EIF5: variants seen among roughly 807,000 people sequenced by gnomAD.
EIF5 encodes the protein eukaryotic translation initiation factor 5.
Under a neutral mutation model 48.3 loss-of-function variants are expected in EIF5, and 10 were observed. The observed-to-expected ratio is 0.21, with a 90% CI of 0.13 to 0.35. The LOEUF is 0.35. EIF5 is among the 10% of genes least tolerant of loss of function. The pLI is 1.00. For synonymous variants in EIF5, 237 were observed against 173.1 expected, an observed-to-expected ratio of 1.37 and a Z score of -2.90; for missense variants, 397 against 533.2, an observed-to-expected ratio of 0.74 and a Z score of 2.51.
Position 103,335,622 on chromosome 14 carries a change from TTTTTGTGTGTTC to T in EIF5, c.-208-27_-208-16del. On this transcript the variant is annotated intron_variant, in intron 2 of 11. Coordinates refer to ENST00000216554, the MANE Select transcript of EIF5 (RefSeq NM_001969.5). ...AGCGATGATGTTAAACCTGGGGGGA[TTTTTGTGTGTTC>T]TTTCCCTTTTTCTTTCAGAGCTGTT... is the stretch of plus-strand genomic sequence containing the variant. 1.8e-6 allele frequency: 1 copy of T among 551,760 alleles called. No individual in the cohort carries two copies. Among genetic ancestry groups the T allele is most frequent in the Middle Eastern group, 4.7e-4 (1 of 2,108 alleles). 34.2% of individuals were successfully genotyped at this position (551,760 alleles called of 1,614,324 possible). A position where few individuals can be genotyped will look rare whatever the true frequency, so the allele number is the denominator to read the frequency against.
Position 103,341,007 on chromosome 14 carries a change from A to G in EIF5, c.1251A>G (p.Val417=), listed in dbSNP as rs1288134715. Residue 417 remains valine, a synonymous_variant, in exon 12 of 12, where the codon GTA becomes GTG. Transcript: ENST00000216554. ...KAASVPKVET[V]KSDNKDDDID... ...CCAGTGTACCGAAAGTTGAGACTGT[A>G]AAGTCAGACAACAAGGATGACGACA... 2.5e-6 allele frequency: 4 copies of G among 1,614,070 alleles called. No homozygotes were observed. In the South Asian group the frequency reaches 4.4e-5, roughly 18 times the overall value.
At chr14:103,338,642 A>G in intron 7 of EIF5, 93 bp from the exon 8 acceptor site, 3 of 1,543,472 alleles carry the variant, frequency 1.9e-6, no homozygotes, top group Non-Finnish European at 2.6e-6. Flanking sequence ...TTTTGGATGG[A>G]GATGGACTTG....
intron 9 of EIF5, 148 bp downstream of exon 9, chr14:103,339,481 A>G: frequency 7.2e-7 from 1 of 1,396,480 alleles, no homozygotes; most frequent in East Asian, 2.3e-5. Flanking sequence ...AAAGTGCCAT[A>G]CCTAGGCCCT....
rs539980408 is a variant in EIF5, at chr14:103,339,027, T to C, written c.744+134T>C. On this transcript the variant is annotated intron_variant, in intron 8 of 11. Transcript: ENST00000216554. ...TTAGAACTCTTGTTCATTTAAATAT[T>C]TTTTGCGCGTGATTCCAGGCACTAT... 4.2e-5 allele frequency: 62 copies of C among 1,475,862 alleles called. No individual in the cohort carries two copies. In the African/African-American group the frequency reaches 5.1e-4, roughly 12 times the overall value. 91.4% of individuals were successfully genotyped at this position (1,475,862 alleles called of 1,614,324 possible). A position where few individuals can be genotyped will look rare whatever the true frequency, so the allele number is the denominator to read the frequency against.
At chr14:103,337,580 C>CA in intron 6 of EIF5, 1 of 314,322 alleles carries the variant, frequency 3.2e-6, no homozygotes, top group South Asian at 3.0e-5. Context: ...CCAGCTTGGG[C>CA]AACAGCGACT....
chr14:103,335,995 G>A, intron 3 of EIF5, 41 bp from the exon 4 acceptor site: 1 of 1,613,754 alleles, frequency 6.2e-7, no homozygotes, highest in Non-Finnish European at 8.5e-7. Flanking sequence ...GTTTGCATTT[G>A]TCAGGGGAAA....
chr14:103,336,282 C>CGCATTTAAAGAGTGGATG, intron 4 of EIF5, 165 bp downstream of exon 4: 1 of 762,176 alleles, frequency 1.3e-6, no homozygotes, highest in Non-Finnish European at 2.1e-6. Context: ...ACCAGGGGAA[C>CGCATTTAAAGAGTGGATG]GCATTTAAAG....
chr14:103,344,172 T>C lies in EIF5; in HGVS notation c.*3120T>C, dbSNP rs1391655281. ...AGCAAATGACTTGCAGGTAGTCTCA[T>C]TGTAGGTTTGTGCACCAGAGTGACC... is the stretch of plus-strand genomic sequence containing the variant. On this transcript the variant is annotated 3_prime_UTR_variant, in exon 12 of 12. Coordinates refer to ENST00000216554, the MANE Select transcript of EIF5 (RefSeq NM_001969.5). The C allele has an allele frequency of 6.6e-6, 1 of 152,194 alleles. No homozygotes were observed. The highest frequency in any genetic ancestry group is 1.5e-5 in the Non-Finnish European group (1 of 68,046). The allele number at this position is 152,194 out of a possible 1,614,324, so 9.4% of individuals were successfully genotyped here.
chr14:103,339,629 C>T lies in EIF5; in HGVS notation c.907-10C>T, dbSNP rs370607296. The stretch of plus-strand genomic sequence containing the variant: ...AAAAAGATTGTTAACACCAAGGTGT[C>T]TATTTGCAGTTTTGTCACAACAACA... On this transcript the variant is annotated splice_polypyrimidine_tract_variant and intron_variant, in intron 9 of 11. Coordinates refer to ENST00000216554, the MANE Select transcript of EIF5 (RefSeq NM_001969.5). The T allele has an allele frequency of 1.9e-6, 3 of 1,614,058 alleles. No individual in the cohort carries two copies. Among genetic ancestry groups the T allele is most frequent in the Non-Finnish European group, 1.7e-6 (2 of 1,179,988 alleles).
rs2089350270 is a variant in EIF5, at chr14:103,341,313, A to T, written c.*261A>T. ...AACTAGTGGTGGACACATTTGGATCACATTTATACAGTTATAAAAATAAAG... is the reference window on the plus strand; with the variant it reads ...AACTAGTGGTGGACACATTTGGATCTCATTTATACAGTTATAAAAATAAAG... On this transcript the variant is annotated 3_prime_UTR_variant, in exon 12 of 12. Coordinates refer to ENST00000216554, the MANE Select transcript of EIF5 (RefSeq NM_001969.5). The T allele has an allele frequency of 3.0e-6, 1 of 328,756 alleles. No homozygotes were observed. Among genetic ancestry groups the T allele is most frequent in the Admixed American group, 4.2e-5 (1 of 23,640 alleles). 20.4% of individuals were successfully genotyped at this position (328,756 alleles called of 1,614,324 possible). A position where few individuals can be genotyped will look rare whatever the true frequency, so the allele number is the denominator to read the frequency against.
chr14:103,342,639 G>A lies in EIF5; in HGVS notation c.*1587G>A, dbSNP rs1469412683. ...TGATGTAATAAAACTTGGTTGGCTT[G>A]ATATTTTAAGGAATTGAAACCTAGC... is the stretch of plus-strand genomic sequence containing the variant. On this transcript the variant is annotated 3_prime_UTR_variant, in exon 12 of 12. Coordinates refer to ENST00000216554, the MANE Select transcript of EIF5 (RefSeq NM_001969.5). The A allele has an allele frequency of 1.3e-5, 2 of 152,604 alleles. No homozygotes were observed. Among genetic ancestry groups the A allele is most frequent in the Non-Finnish European group, 2.9e-5 (2 of 68,036 alleles). The allele number at this position is 152,604 out of a possible 1,614,324, so 9.5% of individuals were successfully genotyped here. A position where few individuals can be genotyped will look rare whatever the true frequency, so the allele number is the denominator to read the frequency against.
Position 103,337,097 on chromosome 14 carries a change from T to G in EIF5, c.328-19T>G. 1.3e-6 allele frequency: 2 copies of G among 1,598,372 alleles called. No homozygotes were observed. The highest frequency in any genetic ancestry group is 2.2e-5 in the East Asian group (1 of 44,830). ...TTTTCATGTTATATTATGGATAACATTTGTTATTTTTTTGGCAGCATGTCA... is the reference window on the plus strand; with the variant it reads ...TTTTCATGTTATATTATGGATAACAGTTGTTATTTTTTTGGCAGCATGTCA... On this transcript the variant is annotated intron_variant, in intron 5 of 11. Coordinates refer to ENST00000216554, the MANE Select transcript of EIF5 (RefSeq NM_001969.5).
intron 7 of EIF5, 94 bp downstream of exon 7, chr14:103,338,566 A>AGT: frequency 6.7e-7 from 1 of 1,499,962 alleles, no homozygotes. Context: ...ACTAGCCTTC[A>AGT]GTGTGTAATA....
intron 8 of EIF5, 104 bp from the exon 9 acceptor site, chr14:103,339,068 A>G (rs995198736): frequency 1.3e-6 from 2 of 1,498,924 alleles, no homozygotes; most frequent in Non-Finnish European, 1.8e-6. Context: ...ACAACTGCCA[A>G]ATTAGGCAGG....
chr14:103,335,224 AAC>A (rs143072847), intron 2 of EIF5: 32,734 of 153,110 alleles, frequency 0.21, 4,305 homozygotes, highest in South Asian at 0.36. Context: ...AGTTGTAGAG[AAC>A]AGTTCCCTAG....
Position 103,338,991 on chromosome 14 carries a change from T to C in EIF5, c.744+98T>C, listed in dbSNP as rs115282451. 8.2e-4 allele frequency: 1,241 copies of C among 1,510,228 alleles called. 11 individuals are homozygous for C. The African/African-American group carries it at 0.016, about 19-fold the overall frequency. 93.6% of individuals were successfully genotyped at this position (1,510,228 alleles called of 1,614,324 possible). On this transcript the variant is annotated intron_variant, in intron 8 of 11. Coordinates refer to ENST00000216554, the MANE Select transcript of EIF5 (RefSeq NM_001969.5). The stretch of plus-strand genomic sequence containing the variant: ...AGCAGTGTAATTAGGATTACTCTAA[T>C]GCACGACTTTTTAGAACTCTTGTTC...
chr14:103,336,972 C>A (rs911174069), intron 5 of EIF5, 123 bp downstream of exon 5: 1 of 1,391,020 alleles, frequency 7.2e-7, no homozygotes, highest in African/African-American at 1.5e-5. Flanking sequence ...CTCCAGTTTT[C>A]GAGATATTTC....
Position 103,341,733 on chromosome 14 carries a change from T to G in EIF5, c.*681T>G, listed in dbSNP as rs997451825. On this transcript the variant is annotated 3_prime_UTR_variant, in exon 12 of 12. Transcript: ENST00000216554. The stretch of plus-strand genomic sequence containing the variant: ...GCTGTTTTCTCATTTCATGTACACT[T>G]GCCCCAAATTGTCTTTGAAGTCGTG... 1.3e-5 allele frequency: 2 copies of G among 152,432 alleles called. No individual in the cohort carries two copies. Among genetic ancestry groups the G allele is most frequent in the Non-Finnish European group, 2.9e-5 (2 of 68,076 alleles). 9.4% of individuals were successfully genotyped at this position (152,432 alleles called of 1,614,324 possible).
intron 10 of EIF5, 78 bp downstream of exon 10, chr14:103,339,881 C>CA (rs2089332973): frequency 2.0e-5 from 30 of 1,484,054 alleles, no homozygotes; most frequent in Non-Finnish European, 2.7e-5. Flanking sequence ...TTTTTGGAGA[C>CA]GGAGTCTCAT....
Sources: gnomAD v4.1 joint callset for allele counts on GRCh38, gnomAD v4.1.1 for gene constraint, MANE v1.5 for transcripts, NCBI Gene and HGNC (gene_info 2026-07-23, HGNC 2026-07-21) for gene names.